Variants in TEC observed in about 807,000 individuals in gnomAD.
TEC encodes the protein tyrosine-protein kinase Tec.
A neutral mutation model predicts 93.0 loss-of-function variants in TEC; 72 were observed. That is an observed-to-expected ratio of 0.77 (90% CI 0.64 to 0.94). The LOEUF (loss-of-function observed/expected upper bound fraction) is 0.94. Among genes scored for constraint, TEC ranks in the 40% least tolerant of loss-of-function variants. The probability of loss-of-function intolerance (pLI) is 0.00; values close to 1 mark genes in which losing one functional copy is unlikely to be tolerated. For missense variants in TEC, 630 were observed against 757.9 expected (o/e 0.83, Z 1.98); for synonymous variants, 249 against 247.7 (o/e 1.01, Z -0.05).
At chr4:48,197,033 G>A (rs1722321964) in intron 2 of TEC, among the ~76,000 whole-genome samples, 1 of 152,198 alleles carries the variant, frequency 6.6e-6, no homozygotes, top group South Asian at 2.1e-4. Flanking sequence ...AGCATCTTTG[G>A]TCAAAAATTC....
At chr4:48,231,117 G>C (rs943808159) in intron 1 of TEC, among the ~76,000 whole-genome samples, 3 of 152,138 alleles carry the variant, frequency 2.0e-5, no homozygotes, top group African/African-American at 7.2e-5. Flanking sequence ...TTGGTCTGGG[G>C]AGGAGCCCTG....
At chr4:48,243,090 G>T (rs1723963207) in intron 1 of TEC, among the ~76,000 whole-genome samples, 1 of 152,038 alleles carries the variant, frequency 6.6e-6, no homozygotes, top group African/African-American at 2.4e-5. Context: ...TGTACCTTTT[G>T]ATATATTAAA....
chr4:48,227,039 C>T (rs114870828), intron 2 of TEC, among the ~76,000 whole-genome samples: 27 of 152,246 alleles, frequency 1.8e-4, no homozygotes, highest in African/African-American at 5.8e-4. Context: ...TATTTCTGCA[C>T]ACATAGACAT....
At chr4:48,248,593 T>A (rs1190866135) in intron 1 of TEC, among the ~76,000 whole-genome samples, 2 of 152,180 alleles carry the variant, frequency 1.3e-5, no homozygotes, top group Non-Finnish European at 2.9e-5. Flanking sequence ...CACAGAATAA[T>A]CAATTTTAGG....
chr4:48,172,459 G>T (rs1015215732), intron 3 of TEC, among the ~76,000 whole-genome samples: 1 of 150,996 alleles, frequency 6.6e-6, no homozygotes, highest in African/African-American at 2.4e-5. Context: ...CTTAGAGATG[G>T]GGTCTTGCTC....
intron 2 of TEC, among the ~76,000 whole-genome samples, chr4:48,177,295 A>C (rs1167602227): frequency 6.6e-6 from 1 of 152,260 alleles, no homozygotes; most frequent in Non-Finnish European, 1.5e-5. Flanking sequence ...AATTCCACAC[A>C]AAAGTTGCAT....
intron 15 of TEC, among the ~76,000 whole-genome samples, chr4:48,140,347 T>C (rs942076066): frequency 2.0e-5 from 3 of 152,214 alleles, no homozygotes; most frequent in African/African-American, 7.2e-5. Flanking sequence ...TGAAATAGTT[T>C]ATCCTTTTAT....
At chr4:48,269,679 CCCCCTCCCCA>C (rs1724739702) in intron 1 of TEC, 63 bp downstream of exon 1, 1 of 152,276 alleles carries the variant, frequency 6.6e-6, no homozygotes, top group Non-Finnish European at 1.5e-5. Flanking sequence ...CCGCGCTCAT[CCCCCTCCCCA>C]CCCGTCCTCG....
chr4:48,186,146 C>G (rs1328136203), intron 2 of TEC, among the ~76,000 whole-genome samples: 1 of 152,232 alleles, frequency 6.6e-6, no homozygotes, highest in Non-Finnish European at 1.5e-5. Flanking sequence ...GACGGAGTCT[C>G]GCTCACTAGG....
intron 14 of TEC, 134 bp from the exon 15 acceptor site, chr4:48,141,553 G>T: frequency 1.2e-6 from 1 of 807,374 alleles, no homozygotes; most frequent in Non-Finnish European, 1.9e-6. Flanking sequence ...CCTTTAATAA[G>T]TTGTTTTTAC....
intron 15 of TEC, 146 bp downstream of exon 15, chr4:48,141,209 C>A: frequency 1.5e-6 from 1 of 667,500 alleles, no homozygotes; most frequent in Non-Finnish European, 2.6e-6. Context: ...GAGAGAATTA[C>A]TACCATCACA....
At chr4:48,138,307 G>A (rs1432898636) in intron 17 of TEC, among the ~76,000 whole-genome samples, 1 of 152,140 alleles carries the variant, frequency 6.6e-6, no homozygotes, top group Non-Finnish European at 1.5e-5. Context: ...GAGGTTTAGA[G>A]AAAGAAACCA....
chr4:48,248,866 CT>C (rs34690737), intron 1 of TEC, among the ~76,000 whole-genome samples: 70,604 of 136,656 alleles, frequency 0.52, 17,395 homozygotes, highest in East Asian at 0.65. Context: ...TCTCCTCTTT[CT>C]TTTTTTTTTT....
intron 11 of TEC, among the ~76,000 whole-genome samples, chr4:48,146,678 ATGAGAGC>A (rs1431184718): frequency 6.6e-6 from 1 of 152,190 alleles, no homozygotes; most frequent in African/African-American, 2.4e-5. Context: ...CTTTTCCAAT[ATGAGAGC>A]TGAACTATGA....
intron 2 of TEC, among the ~76,000 whole-genome samples, chr4:48,181,786 G>A (rs986454849): frequency 1.3e-5 from 2 of 152,006 alleles, no homozygotes; most frequent in East Asian, 1.9e-4. Flanking sequence ...CTTTCTCCCC[G>A]AGCCCACTTT....
intron 2 of TEC, among the ~76,000 whole-genome samples, chr4:48,184,047 AAAG>A (rs1291543022): frequency 6.6e-6 from 1 of 152,230 alleles, no homozygotes; most frequent in East Asian, 1.9e-4. Context: ...TTATTAAAAA[AAAG>A]AATATTATCA....
Position 48,167,852 on chromosome 4 carries a change from T to G in TEC, c.597A>C (p.Arg199Ser). Residue 199 changes from arginine to serine, a missense_variant, in exon 7 of 18, where the codon AGA (arginine) becomes AGC (serine). Physicochemically the swap from Arg to Ser is moderately radical, Grantham distance 110. Around this residue, in one of 3 missense-constraint regions of TEC, gnomAD observed 335 missense variants for 351.5 expected, o/e 0.95. Transcript: ENST00000381501. Reference protein sequence around the residue: ...DFQAAEGHDLRLERGQEYLIL... With the variant: ...DFQAAEGHDLSLERGQEYLIL... ...TGAGATACTCTTGGCCTCTCTCTAA[T>G]CTGAGATCATGTCCTTCTGCTGCTT... 1.2e-6 allele frequency: 2 copies of G among 1,614,004 alleles called. No individual in the cohort carries two copies. Among genetic ancestry groups the G allele is most frequent in the South Asian group, 2.2e-5 (2 of 91,080 alleles).
chr4:48,179,374 ATAT>A (rs1481684695), intron 2 of TEC, among the ~76,000 whole-genome samples: 4 of 21,584 alleles, frequency 1.9e-4, no homozygotes, highest in Non-Finnish European at 3.3e-4. Context: ...ATATATATAT[ATAT>A]TTTTTTTTTT....
chr4:48,190,023 A>G (rs1374366691), intron 2 of TEC, among the ~76,000 whole-genome samples: 2 of 152,192 alleles, frequency 1.3e-5, no homozygotes, highest in Non-Finnish European at 2.9e-5. Context: ...CTCGGAGCTA[A>G]GCATCATGGG....
Sources: allele counts gnomAD v4.1 joint callset (sites outside exome capture counted in the v4.1 genomes callset), GRCh38; gene constraint gnomAD v4.1.1; regional missense constraint gnomAD v4.1.1; transcripts MANE v1.5; gene names NCBI Gene and HGNC (gene_info 2026-07-23, HGNC 2026-07-21).